ZNF346: variants seen among roughly 807,000 people sequenced by gnomAD.
ZNF346 encodes double-stranded RNA-binding zinc finger protein JAZ.
Under a neutral mutation model 33.7 loss-of-function variants are expected in ZNF346, and 23 were observed. The observed-to-expected ratio is 0.68, with a 90% CI of 0.49 to 0.97. The LOEUF (loss-of-function observed/expected upper bound fraction) is 0.97. ZNF346 is among the 50% of genes least tolerant of loss of function. The probability of loss-of-function intolerance (pLI) is 0.00; values close to 1 mark genes in which losing one functional copy is unlikely to be tolerated. For missense variants in ZNF346, 340 were observed against 371.1 expected, an observed-to-expected ratio of 0.92 and a Z score of 0.69; for synonymous variants, 134 against 142.4, an observed-to-expected ratio of 0.94 and a Z score of 0.42.
chr5:177,025,327 G>A (rs978352921), intron 1 of ZNF346, among the ~76,000 whole-genome samples: 1 of 152,054 alleles, frequency 6.6e-6, no homozygotes, highest in Non-Finnish European at 1.5e-5. Context: ...CATTTGGATT[G>A]TTTCCAGTTT....
intron 1 of ZNF346, among the ~76,000 whole-genome samples, chr5:177,038,398 CCA>C (rs1778849074): frequency 6.6e-6 from 1 of 151,196 alleles, no homozygotes; most frequent in South Asian, 2.1e-4. Context: ...TAGGTGTGAG[CCA>C]CCACAACCGG....
In ZNF346 at chr5:177,038,264, T is replaced by TG. The variant is rs545156309; in HGVS notation, c.176-2862_176-2861insG. ...CCACCATGCCCAACTACGTTTTTTT[T>TG]TTTTGTGTGTGTGTGTTTTTTAATT... On this transcript the variant is annotated intron_variant, in intron 1 of 6. Coordinates refer to ENST00000358149, the MANE Select transcript of ZNF346 (RefSeq NM_012279.4). 1.0e-4 allele frequency among the ~76,000 whole-genome samples: 15 copies of TG among 148,602 alleles called. No individual in the cohort carries two copies. The South Asian group carries it at 3.0e-3, about 30-fold the overall frequency.
intron 3 of ZNF346, among the ~76,000 whole-genome samples, chr5:177,042,488 C>T (rs1434620599): frequency 6.6e-6 from 1 of 151,646 alleles, no homozygotes; most frequent in East Asian, 1.9e-4. Flanking sequence ...AGTCACTTAA[C>T]CTCTGTGAAC....
At chr5:177,030,610 T>C (rs10079718) in intron 1 of ZNF346, among the ~76,000 whole-genome samples, 19,984 of 151,820 alleles carry the variant, frequency 0.13, 3,104 homozygotes, top group African/African-American at 0.37. Flanking sequence ...CCTGGCTATT[T>C]CATTTTTAAA....
At chr5:177,025,245 C>G (rs1776591376) in intron 1 of ZNF346, among the ~76,000 whole-genome samples, 1 of 152,152 alleles carries the variant, frequency 6.6e-6, no homozygotes, top group Admixed American at 6.6e-5. Context: ...GTACTTCATT[C>G]CTTTTTATTG....
At chr5:177,076,045 G>C (rs1056638667) in intron 8 of ZNF346, among the ~76,000 whole-genome samples, 1 of 151,988 alleles carries the variant, frequency 6.6e-6, no homozygotes, top group African/African-American at 2.4e-5. Context: ...AAACTCCTAG[G>C]CTCAAGGAAT....
At chr5:177,048,414 G>T (rs1780392647) in intron 4 of ZNF346, among the ~76,000 whole-genome samples, 1 of 152,174 alleles carries the variant, frequency 6.6e-6, no homozygotes, top group Non-Finnish European at 1.5e-5. Flanking sequence ...CTGAGGTCAG[G>T]AGTTTGAGAC....
At chr5:177,056,055 A>T (rs1781630442) in intron 5 of ZNF346, among the ~76,000 whole-genome samples, 1 of 150,196 alleles carries the variant, frequency 6.7e-6, no homozygotes, top group South Asian at 2.1e-4. Context: ...CAGCCTGGGC[A>T]AAAAAGCCAG....
chr5:177,025,374 G>T (rs1473925490), intron 1 of ZNF346, among the ~76,000 whole-genome samples: 4 of 152,148 alleles, frequency 2.6e-5, no homozygotes, highest in African/African-American at 9.7e-5. Flanking sequence ...GAACATTCAT[G>T]CCCAAGTTTT....
At chr5:177,031,664 CATTTTCTTCAAAT>C (rs1478635037) in intron 1 of ZNF346, among the ~76,000 whole-genome samples, 1 of 152,092 alleles carries the variant, frequency 6.6e-6, no homozygotes, top group Non-Finnish European at 1.5e-5. Flanking sequence ...GGTTTTTGGA[CATTTTCTTCAAAT>C]ATTTTTTTCT....
At chr5:177,073,814 C>T (rs549444733) in intron 8 of ZNF346, among the ~76,000 whole-genome samples, 140 of 47,018 alleles carry the variant, frequency 3.0e-3, no homozygotes, top group Non-Finnish European at 5.1e-3. Context: ...CCATCAAGAT[C>T]GGGCGGGCGG....
At chr5:177,052,843 T>G (rs1481319839) in intron 5 of ZNF346, 1 of 152,248 alleles carries the variant, frequency 6.6e-6, no homozygotes, top group Non-Finnish European at 1.5e-5. Flanking sequence ...GAGTAGAAAC[T>G]GTACTTCTCT....
Position 177,077,136 on chromosome 5 carries a change from T to C in ZNF346, c.*3-2246T>C, listed in dbSNP as rs1193166373. 6.6e-6 allele frequency among the ~76,000 whole-genome samples: 1 copy of C among 152,214 alleles called. No homozygotes were observed. Among genetic ancestry groups the C allele is most frequent in the Non-Finnish European group, 1.5e-5 (1 of 68,042 alleles). The stretch of plus-strand genomic sequence containing the variant: ...ATATTTGTTATGTAAAGTCGTTAAG[T>C]TTAAAAGTAATGTGTTATGAAGCAA... On this transcript the variant is annotated intron_variant, in intron 8 of 8. Transcript: ENST00000503039. The surrounding 1 kb of genome is among the most constrained non-coding windows in gnomAD (Gnocchi z 5.0).
chr5:177,064,907 C>T lies in ZNF346; in HGVS notation c.*308C>T, dbSNP rs958650636. Reference sequence around the variant, plus strand: ...CCTCTGGGCCTTAGGTGCTGAGGCCCCTGCCACCTGTCTTTCCTCTAAAGG... The same window carrying T: ...CCTCTGGGCCTTAGGTGCTGAGGCCTCTGCCACCTGTCTTTCCTCTAAAGG... On this transcript the variant is annotated 3_prime_UTR_variant, in exon 7 of 7. Coordinates refer to ENST00000358149, the MANE Select transcript of ZNF346 (RefSeq NM_012279.4). The T allele has an allele frequency of 2.1e-5, 7 of 327,094 alleles. No individual in the cohort carries two copies. The highest frequency in any genetic ancestry group is 1.5e-4 in the African/African-American group (7 of 47,742). 20.3% of individuals were successfully genotyped at this position (327,094 alleles called of 1,614,324 possible).
intron 3 of ZNF346, 23 bp downstream of exon 3, chr5:177,041,893 C>G: frequency 6.5e-7 from 1 of 1,530,648 alleles, no homozygotes; most frequent in Non-Finnish European, 9.0e-7. Context: ...CCATATTGAG[C>G]CCACTTGCTT....
rs1287190791 is a variant in ZNF346 at position 177,067,039 on chromosome 5, G to A, written c.*2440G>A. ...GATCGTGCCACTGCACTCCAGCCTA[G>A]GTGACAGAGTGAGACTCCTGTCTCA... On this transcript the variant is annotated 3_prime_UTR_variant, in exon 7 of 7. Transcript: ENST00000358149. Among the ~76,000 whole-genome samples, 1 of 152,162 alleles carries A rather than the reference G, an allele frequency of 6.6e-6. No individual in the cohort carries two copies. The highest frequency in any genetic ancestry group is 1.5e-5 in the Non-Finnish European group (1 of 68,028).
chr5:177,062,226 A>G (rs1782636117), intron 6 of ZNF346, 75 bp downstream of exon 6: 1 of 1,242,120 alleles, frequency 8.1e-7, no homozygotes, highest in Non-Finnish European at 1.2e-6. Context: ...AAAGCCAGGT[A>G]GTTCTCGGCT....
intron 1 of ZNF346, among the ~76,000 whole-genome samples, chr5:177,024,169 C>CAT (rs1481974825): frequency 7.0e-6 from 1 of 143,248 alleles, no homozygotes; most frequent in African/African-American, 2.6e-5. Flanking sequence ...CACACACACA[C>CAT]ACACACACAC....
rs1020058621 is a variant in ZNF346 at position 177,022,921 on chromosome 5, G to C, written c.175+8G>C. On this transcript the variant is annotated splice_region_variant and intron_variant, in intron 1 of 6. Transcript: ENST00000358149. ...CGGTGGGTAGAGAGGAAGGTGAGTC[G>C]GGGGCTTTGGAGGCAGAAAGCCCCT... The C allele has an allele frequency of 1.4e-6, 2 of 1,460,902 alleles. No homozygotes were observed. Among genetic ancestry groups the C allele is most frequent in the Admixed American group, 2.7e-5 (1 of 36,994 alleles). The allele number at this position is 1,460,902 out of a possible 1,614,324, so 90.5% of individuals were successfully genotyped here. A position where few individuals can be genotyped will look rare whatever the true frequency, so the allele number is the denominator to read the frequency against.
Sources: allele counts gnomAD v4.1 joint callset (sites outside exome capture counted in the v4.1 genomes callset), GRCh38; gene constraint gnomAD v4.1.1; non-coding constraint Gnocchi (gnomAD v3.1); transcripts MANE v1.5; gene names NCBI Gene and HGNC (gene_info 2026-07-23, HGNC 2026-07-21).